GRIK2: variants seen among roughly 807,000 people sequenced by gnomAD.
The protein encoded by GRIK2 is glutamate ionotropic receptor kainate type subunit 2.
GRIK2 carries 32 observed loss-of-function variants against 100.3 expected under a neutral mutation model. That is an observed-to-expected ratio of 0.32 (90% CI 0.24 to 0.43). The LOEUF (loss-of-function observed/expected upper bound fraction) is 0.43. Ranked by LOEUF, GRIK2 falls within the 20% of genes least tolerant of loss-of-function variation. GRIK2 has a pLI of 1.00. For missense variants in GRIK2, 843 were observed against 1,114.9 expected (o/e 0.76, Z 3.47); for synonymous variants, 417 against 389.4 (o/e 1.07, Z -0.83).
chr6:101,810,000 C>T (rs1044474216), intron 9 of GRIK2, among the ~76,000 whole-genome samples: 5 of 151,490 alleles, frequency 3.3e-5, no homozygotes, highest in Admixed American at 1.3e-4. Flanking sequence ...GTTTTGGTTC[C>T]CAAAAAGTCT....
chr6:101,606,544 C>T (rs1378401384), intron 2 of GRIK2, among the ~76,000 whole-genome samples: 1 of 151,938 alleles, frequency 6.6e-6, no homozygotes, highest in South Asian at 2.1e-4. Flanking sequence ...AAGCCAAGAA[C>T]GTTTAACTAA....
intron 14 of GRIK2, among the ~76,000 whole-genome samples, chr6:101,964,996 TG>T (rs908602689): frequency 2.0e-5 from 3 of 151,896 alleles, no homozygotes; most frequent in African/African-American, 4.8e-5. Context: ...AGCCGGAAAA[TG>T]GATAACCTGG....
intron 7 of GRIK2, among the ~76,000 whole-genome samples, chr6:101,769,579 A>G (rs1778268928): frequency 6.6e-6 from 1 of 152,166 alleles, no homozygotes; most frequent in African/African-American, 2.4e-5. Flanking sequence ...TGGATTCTCA[A>G]ATCTAGCCCA....
intron 11 of GRIK2, among the ~76,000 whole-genome samples, chr6:101,888,097 A>G (rs1786784676): frequency 6.6e-6 from 1 of 152,148 alleles, no homozygotes. Flanking sequence ...TAATCTATCA[A>G]TCACTAGAGT....
chr6:101,795,126 C>CA (rs1302660859), intron 7 of GRIK2, among the ~76,000 whole-genome samples: 4 of 152,074 alleles, frequency 2.6e-5, no homozygotes, highest in African/African-American at 9.7e-5. Context: ...CTCGGCCTCC[C>CA]AAAGTGTTGG....
intron 4 of GRIK2, among the ~76,000 whole-genome samples, chr6:101,653,181 A>G (rs1183382255): frequency 6.6e-6 from 1 of 152,094 alleles, no homozygotes; most frequent in Non-Finnish European, 1.5e-5. Flanking sequence ...TCTCTCTGAC[A>G]GACTTCTGTT....
chr6:101,581,242 G>A (rs77482882), intron 2 of GRIK2, among the ~76,000 whole-genome samples: 1 of 129,736 alleles, frequency 7.7e-6, no homozygotes, highest in Non-Finnish European at 1.6e-5. Flanking sequence ...ACACATATAT[G>A]TGTATATATA....
intron 10 of GRIK2, among the ~76,000 whole-genome samples, chr6:101,826,072 C>T (rs1308241254): frequency 6.6e-6 from 1 of 151,868 alleles, no homozygotes; most frequent in Admixed American, 6.6e-5. Context: ...TCTATTCACC[C>T]CAGCCAGAGG....
intron 12 of GRIK2, among the ~76,000 whole-genome samples, chr6:101,924,216 A>G (rs1045428371): frequency 6.6e-6 from 1 of 152,148 alleles, no homozygotes; most frequent in Admixed American, 6.6e-5. Flanking sequence ...TGTCTTTAAA[A>G]TACTCTACGG....
chr6:101,577,170 A>C (rs1360161303), intron 2 of GRIK2, among the ~76,000 whole-genome samples: 1 of 151,966 alleles, frequency 6.6e-6, no homozygotes, highest in East Asian at 1.9e-4. Context: ...TACAAAAAAA[A>C]AACAACAACA....
chr6:101,967,431 T>C (rs554430988), intron 14 of GRIK2, among the ~76,000 whole-genome samples: 1 of 152,254 alleles, frequency 6.6e-6, no homozygotes, highest in African/African-American at 2.4e-5. Context: ...ATATTCAATT[T>C]ACATAAGCAC....
chr6:101,912,824 C>T (rs1325502801), intron 12 of GRIK2, among the ~76,000 whole-genome samples: 1 of 151,516 alleles, frequency 6.6e-6, no homozygotes, highest in African/African-American at 2.4e-5. Flanking sequence ...GTAGTGTTTA[C>T]AAACCAGTCA....
chr6:101,415,672 A>AT (rs201917999), intron 2 of GRIK2, among the ~76,000 whole-genome samples: 2,173 of 151,932 alleles, frequency 0.014, 51 homozygotes, highest in African/African-American at 0.051. Context: ...GCCCGGCCGT[A>AT]TTTTTCCATA....
At chr6:101,963,891 C>T (rs1309400423) in intron 14 of GRIK2, among the ~76,000 whole-genome samples, 1 of 151,858 alleles carries the variant, frequency 6.6e-6, no homozygotes, top group Non-Finnish European at 1.5e-5. Flanking sequence ...ACATTCTTTT[C>T]TAAATAAAGT....
chr6:101,934,233 G>A (rs778384689), intron 14 of GRIK2, among the ~76,000 whole-genome samples: 48 of 151,880 alleles, frequency 3.2e-4, no homozygotes, highest in African/African-American at 9.4e-4. Flanking sequence ...CAAAGATATC[G>A]TCACATAAAC....
chr6:101,610,061 G>T (rs999754873), intron 2 of GRIK2, among the ~76,000 whole-genome samples: 5 of 151,522 alleles, frequency 3.3e-5, no homozygotes, highest in African/African-American at 1.2e-4. Flanking sequence ...GAAGTAAACA[G>T]TTGTTTTACT....
chr6:101,809,902 C>T (rs143432488), intron 9 of GRIK2, among the ~76,000 whole-genome samples: 41 of 151,764 alleles, frequency 2.7e-4, no homozygotes, highest in Non-Finnish European at 4.4e-4. Context: ...ACTTTCAGGA[C>T]GATAAAATAT....
At chr6:101,459,687 GT>G (rs769320916) in intron 2 of GRIK2, among the ~76,000 whole-genome samples, 2 of 151,960 alleles carry the variant, frequency 1.3e-5, no homozygotes, top group Non-Finnish European at 2.9e-5. Context: ...TAACGAATGA[GT>G]ACCGAAATAT....
At chr6:101,830,462 A>C (rs898398325) in intron 10 of GRIK2, among the ~76,000 whole-genome samples, 2 of 152,020 alleles carry the variant, frequency 1.3e-5, no homozygotes, top group African/African-American at 4.8e-5. Flanking sequence ...AAATATTTGC[A>C]AACTATGCAT....
Sources: gnomAD v4.1 joint callset for allele counts (sites outside exome capture counted in the v4.1 genomes callset) on GRCh38, gnomAD v4.1.1 for gene constraint, MANE v1.5 for transcripts, NCBI Gene and HGNC (gene_info 2026-07-23, HGNC 2026-07-21) for gene names.